GFPT1: variants seen among roughly 807,000 people sequenced by gnomAD.
GFPT1 encodes the protein glutamine--fructose-6-phosphate transaminase 1.
A neutral mutation model predicts 92.0 loss-of-function variants in GFPT1; 40 were observed. The observed-to-expected ratio is 0.43, with a 90% CI of 0.34 to 0.57. The LOEUF is 0.57. Among genes scored for constraint, GFPT1 ranks in the 20% least tolerant of loss-of-function variants. The pLI is 0.02. For missense variants in GFPT1, 448 were observed against 869.1 expected (o/e 0.52, Z 6.09); for synonymous variants, 269 against 280.6 (o/e 0.96, Z 0.41).
At chr2:69,361,519 C>T (rs9808097) in intron 4 of GFPT1, among the ~76,000 whole-genome samples, 5,897 of 149,886 alleles carry the variant, frequency 0.039, 339 homozygotes, top group African/African-American at 0.12. Context: ...AAGGTCTTAA[C>T]TTAAAGCCAA....
At chr2:69,355,737 A>C (rs527445199) in intron 7 of GFPT1, among the ~76,000 whole-genome samples, 181 of 152,332 alleles carry the variant, frequency 1.2e-3, no homozygotes, top group Non-Finnish European at 2.1e-3. Flanking sequence ...GATTAAAAAT[A>C]TCTCTCTTAC....
intron 1 of GFPT1, among the ~76,000 whole-genome samples, chr2:69,383,585 T>A (rs114229885): frequency 0.012 from 1,789 of 150,460 alleles, 32 homozygotes; most frequent in African/African-American, 0.043. Context: ...AAAAAGGATC[T>A]CATTTGCAAA....
At chr2:69,326,354 A>G (rs1430707206) in intron 19 of GFPT1, 121 bp from the exon 20 acceptor site, 3 of 685,578 alleles carry the variant, frequency 4.4e-6, no homozygotes, top group East Asian at 2.7e-5. Flanking sequence ...TTCATTAACC[A>G]TCTTTATTAC....
chr2:69,325,978 A>G lies in GFPT1; in HGVS notation c.*211T>C. 1.9e-6 allele frequency: 1 copy of G among 535,790 alleles called. No homozygotes were observed. 33.2% of individuals were successfully genotyped at this position (535,790 alleles called of 1,614,324 possible). A position where few individuals can be genotyped will look rare whatever the true frequency, so the allele number is the denominator to read the frequency against. ...TGATACAGATTCCAATATAGATTCC[A>G]TTATTCAAAGTCCTCCACAAATTAC... On this transcript the variant is annotated 3_prime_UTR_variant, in exon 20 of 20. Transcript: ENST00000357308.
intron 3 of GFPT1, among the ~76,000 whole-genome samples, chr2:69,366,682 C>A (rs902231886): frequency 1.3e-5 from 2 of 152,202 alleles, no homozygotes; most frequent in Non-Finnish European, 2.9e-5. Context: ...CCACTTTACT[C>A]AGCTTTTGTC....
chr2:69,326,288 AG>A (rs1670530504), intron 19 of GFPT1, 55 bp from the exon 20 acceptor site: 2 of 1,168,582 alleles, frequency 1.7e-6, no homozygotes, highest in African/African-American at 1.5e-5. Flanking sequence ...AGACTGGGGA[AG>A]GGGGTGGTTA....
rs771723516 is a variant in GFPT1 at position 69,356,574 on chromosome 2, A to G, written c.544-17T>C. On this transcript the variant is annotated splice_polypyrimidine_tract_variant and intron_variant, in intron 6 of 19. Coordinates refer to ENST00000357308, the MANE Select transcript of GFPT1 (RefSeq NM_001244710.2). ...AGCACCTTCCTAGGGAGGGAAAAAA[A>G]TCCATTAGCACTATTTAATCAATTA... The G allele has an allele frequency of 6.3e-7, 1 of 1,579,388 alleles. No individual in the cohort carries two copies. Among genetic ancestry groups the G allele is most frequent in the Non-Finnish European group, 8.7e-7 (1 of 1,148,344 alleles).
At chr2:69,369,330 T>G (rs1051350575) in intron 3 of GFPT1, among the ~76,000 whole-genome samples, 2 of 152,236 alleles carry the variant, frequency 1.3e-5, no homozygotes, top group African/African-American at 4.8e-5. Flanking sequence ...AGTAGGTACA[T>G]AAAATACTTG....
At chr2:69,335,119 G>C (rs1378789544) in intron 15 of GFPT1, among the ~76,000 whole-genome samples, 1 of 151,956 alleles carries the variant, frequency 6.6e-6, no homozygotes, top group East Asian at 1.9e-4. Context: ...GGATCCTCGT[G>C]CCTCAGCCTC....
intron 1 of GFPT1, among the ~76,000 whole-genome samples, chr2:69,376,366 C>T (rs1186861272): frequency 6.6e-6 from 1 of 152,078 alleles, no homozygotes. Flanking sequence ...CAAAAATTGG[C>T]CGGGCATGGT....
Position 69,354,470 on chromosome 2 carries a change from T to C in GFPT1, c.685+19A>G. The C allele has an allele frequency of 1.4e-6, 2 of 1,466,318 alleles. No homozygotes were observed. The highest frequency in any genetic ancestry group is 1.9e-6 in the Non-Finnish European group (2 of 1,045,412). The allele number at this position is 1,466,318 out of a possible 1,614,324, so 90.8% of individuals were successfully genotyped here. A position where few individuals can be genotyped will look rare whatever the true frequency, so the allele number is the denominator to read the frequency against. ...AATTCTTCATATCTACTGCACTGCA[T>C]TTGTAGAGGTAATTTTACCTGTTCT... is the stretch of plus-strand genomic sequence containing the variant. On this transcript the variant is annotated intron_variant, in intron 8 of 19. Transcript: ENST00000357308.
At chr2:69,378,394 A>G (rs1671930628) in intron 1 of GFPT1, among the ~76,000 whole-genome samples, 2 of 152,260 alleles carry the variant, frequency 1.3e-5, no homozygotes, top group Admixed American at 6.5e-5. Flanking sequence ...CTCTAAGAGC[A>G]CACACAGTAG....
In GFPT1 at chr2:69,325,779, C is replaced by G. The variant is rs1670513061; in HGVS notation, c.*410G>C. 1 of 161,856 alleles carries G rather than the reference C, an allele frequency of 6.2e-6. No individual in the cohort carries two copies. Among genetic ancestry groups the G allele is most frequent in the Non-Finnish European group, 1.3e-5 (1 of 74,172 alleles). 10.0% of individuals were successfully genotyped at this position (161,856 alleles called of 1,614,324 possible). A position where few individuals can be genotyped will look rare whatever the true frequency, so the allele number is the denominator to read the frequency against. On this transcript the variant is annotated 3_prime_UTR_variant, in exon 20 of 20. Coordinates refer to ENST00000357308, the MANE Select transcript of GFPT1 (RefSeq NM_001244710.2). ...CTAACTGTCCAAGTATGAGCATACA[C>G]TGCCACTGGCTTTAGATACTCCAAT...
chr2:69,356,741 ATTT>A (rs67434964), intron 6 of GFPT1, among the ~76,000 whole-genome samples, 184 bp from the exon 7 acceptor site: 4 of 143,374 alleles, frequency 2.8e-5, no homozygotes, highest in Admixed American at 6.9e-5. Context: ...CAAGACCCAC[ATTT>A]TTTTTTTTTT....
At chr2:69,370,251 C>T (rs537817953) in intron 2 of GFPT1, 143 bp from the exon 3 acceptor site, 2 of 666,272 alleles carry the variant, frequency 3.0e-6, no homozygotes, top group East Asian at 2.7e-5. Context: ...TACTGAAAAC[C>T]TATTGTGTGT....
At chr2:69,366,194 A>C (rs1350553404) in intron 3 of GFPT1, among the ~76,000 whole-genome samples, 1 of 150,656 alleles carries the variant, frequency 6.6e-6, no homozygotes, top group Non-Finnish European at 1.5e-5. Context: ...GGAGAAAGTC[A>C]CAAGATTCTA....
chr2:69,363,259 A>G (rs1456465993), intron 4 of GFPT1, among the ~76,000 whole-genome samples: 1 of 152,026 alleles, frequency 6.6e-6, no homozygotes, highest in African/African-American at 2.4e-5. Flanking sequence ...ATGCACCACA[A>G]TGCCTAACTT....
chr2:69,328,993 C>T (rs902165464), intron 17 of GFPT1, among the ~76,000 whole-genome samples: 3 of 152,200 alleles, frequency 2.0e-5, no homozygotes, highest in African/African-American at 7.2e-5. Flanking sequence ...ACGTGAGCCA[C>T]TGTGCCCAGC....
At chr2:69,365,037 A>G (rs1017632438) in intron 3 of GFPT1, among the ~76,000 whole-genome samples, 2 of 131,574 alleles carry the variant, frequency 1.5e-5, no homozygotes, top group African/African-American at 5.6e-5. Flanking sequence ...GCTGATTCTT[A>G]TTTTTCATAT....
Sources: gnomAD v4.1 joint callset for allele counts (sites outside exome capture counted in the v4.1 genomes callset) on GRCh38, gnomAD v4.1.1 for gene constraint, MANE v1.5 for transcripts, NCBI Gene and HGNC (gene_info 2026-07-23, HGNC 2026-07-21) for gene names.